The following GRK5 variants were observed in gnomAD, a reference collection of about 807,000 sequenced individuals.
GRK5 encodes the protein G protein-coupled receptor kinase 5.
Under a neutral mutation model 78.4 loss-of-function variants are expected in GRK5, and 40 were observed. That is an observed-to-expected ratio of 0.51 (90% CI 0.40 to 0.66). The LOEUF (loss-of-function observed/expected upper bound fraction) is 0.66, where lower values mean the gene tolerates loss of function less well. Ranked by LOEUF, GRK5 falls within the 30% of genes least tolerant of loss-of-function variation. GRK5 has a pLI of 0.00. For missense variants in GRK5, 598 were observed against 759.9 expected (o/e 0.79, Z 2.50); for synonymous variants, 289 against 296.8 (o/e 0.97, Z 0.27).
chr10:119,405,214 G>C (rs1852216634), intron 4 of GRK5, among the ~76,000 whole-genome samples: 1 of 152,132 alleles, frequency 6.6e-6, no homozygotes, highest in South Asian at 2.1e-4. Flanking sequence ...AGGTGGGTTG[G>C]GGCAGGCTTC....
intron 1 of GRK5, among the ~76,000 whole-genome samples, chr10:119,313,043 GGTGGTGGTA>G (rs1564887014): frequency 1.5e-3 from 22 of 14,548 alleles, no homozygotes; most frequent in East Asian, 1.8e-3. Flanking sequence ...TGGTGATGGT[GGTGGTGGTA>G]ATGATGATGG....
At chr10:119,411,370 G>A (rs1852333268) in intron 4 of GRK5, among the ~76,000 whole-genome samples, 1 of 152,134 alleles carries the variant, frequency 6.6e-6, no homozygotes, top group African/African-American at 2.4e-5. Context: ...ACTCCAGAGA[G>A]CCCAGAGACC....
At chr10:119,291,870 CTCA>C (rs143945725) in intron 1 of GRK5, among the ~76,000 whole-genome samples, 2,068 of 147,924 alleles carry the variant, frequency 0.014, 52 homozygotes, top group Admixed American at 0.035. Context: ...CCTTTTCCTC[CTCA>C]TCCTCCTCCT....
At position 119,247,290 on chromosome 10, in the gene GRK5, C is replaced by T. The variant is rs1589700301; in HGVS notation, c.52+39321C>T. ...TAAAACAAACAAACAAAAAATGTGA[C>T]TGTGAGAAGCATCCAGAAAAATACG... is the stretch of plus-strand genomic sequence containing the variant. On this transcript the variant is annotated intron_variant, in intron 1 of 15. Coordinates refer to ENST00000392870, the MANE Select transcript of GRK5 (RefSeq NM_005308.3). Among the ~76,000 whole-genome samples the T allele has an allele frequency of 2.0e-5, 3 of 152,280 alleles. No homozygotes were observed. The South Asian group carries it at 6.2e-4, about 32-fold the overall frequency.
intron 1 of GRK5, among the ~76,000 whole-genome samples, chr10:119,322,595 A>AT (rs1564890646): frequency 2.6e-5 from 4 of 152,214 alleles, no homozygotes; most frequent in African/African-American, 9.6e-5. Context: ...GAATAAATCT[A>AT]TAAGTGTGCA....
At chr10:119,226,682 T>C (rs1329236947) in intron 1 of GRK5, among the ~76,000 whole-genome samples, 1 of 151,672 alleles carries the variant, frequency 6.6e-6, no homozygotes, top group Admixed American at 6.6e-5. Flanking sequence ...GTAGCTAGGA[T>C]TACAGGCGCC....
chr10:119,287,751 C>T lies in GRK5; in HGVS notation c.53-38765C>T, dbSNP rs116354988. On this transcript the variant is annotated intron_variant, in intron 1 of 15. Transcript: ENST00000392870. ...ACACCTCACAAAGCAGAGAGGAGGA[C>T]GGCTATGACTGCACCGTATCCAGCG... Among the ~76,000 whole-genome samples, 847 of 152,294 alleles carry T rather than the reference C, an allele frequency of 5.6e-3. 6 individuals carry two copies. Among genetic ancestry groups the T allele is most frequent in the African/African-American group, 0.019 (808 of 41,544 alleles).
At chr10:119,308,649 C>G (rs1415117098) in intron 1 of GRK5, among the ~76,000 whole-genome samples, 2 of 152,256 alleles carry the variant, frequency 1.3e-5, no homozygotes, top group Non-Finnish European at 2.9e-5. Flanking sequence ...TCAATGGCTT[C>G]TCCTGTGCCA....
At chr10:119,406,824 C>A (rs1852247819) in intron 4 of GRK5, among the ~76,000 whole-genome samples, 1 of 152,244 alleles carries the variant, frequency 6.6e-6, no homozygotes, top group African/African-American at 2.4e-5. Context: ...TCTTCCACTT[C>A]CACTTCTGGG....
intron 2 of GRK5, among the ~76,000 whole-genome samples, chr10:119,357,555 C>T (rs1001862990): frequency 5.9e-5 from 9 of 152,202 alleles, no homozygotes; most frequent in Non-Finnish European, 1.3e-4. Context: ...AAGCATTAGT[C>T]TGGATTGTTG....
chr10:119,443,942 TC>T (rs1410348229), intron 12 of GRK5, among the ~76,000 whole-genome samples, 190 bp downstream of exon 12: 1 of 151,978 alleles, frequency 6.6e-6, no homozygotes, highest in Non-Finnish European at 1.5e-5. Flanking sequence ...AGCGGAGACT[TC>T]CAGGAGAAAG....
intron 3 of GRK5, among the ~76,000 whole-genome samples, chr10:119,395,234 A>G (rs1039502141): frequency 2.0e-5 from 3 of 152,202 alleles, no homozygotes; most frequent in African/African-American, 7.2e-5. Context: ...ATGTTTCTTC[A>G]TGGGAGAAAA....
At chr10:119,371,775 A>G (rs1324058601) in intron 2 of GRK5, among the ~76,000 whole-genome samples, 1 of 152,210 alleles carries the variant, frequency 6.6e-6, no homozygotes, top group Non-Finnish European at 1.5e-5. Context: ...AGTAAAACCC[A>G]TCATTTCCTG....
At position 119,313,052 on chromosome 10, in the gene GRK5, AATGATG is replaced by A. The variant is rs527286515; in HGVS notation, c.53-13460_53-13455del. 5.6e-4 allele frequency among the ~76,000 whole-genome samples: 9 copies of A among 15,964 alleles called. No homozygotes were observed. The East Asian group carries it at 8.1e-3, about 14-fold the overall frequency. 10.5% of individuals were successfully genotyped at this position (15,964 alleles called of 152,430 possible). On this transcript the variant is annotated intron_variant, in intron 1 of 15. Transcript: ENST00000392870. ...TGGCAGTGGTGATGGTGGTGGTGGTAATGATGATGGTGGTGGTGATGGTGGTGGTGG... is the reference window on the plus strand; with the variant it reads ...TGGCAGTGGTGATGGTGGTGGTGGTAATGGTGGTGGTGATGGTGGTGGTGG...
chr10:119,274,079 T>C (rs1306351306), intron 1 of GRK5, among the ~76,000 whole-genome samples: 1 of 152,212 alleles, frequency 6.6e-6, no homozygotes, highest in African/African-American at 2.4e-5. Flanking sequence ...TCATTAGAGC[T>C]GGGTTTGTGT....
intron 11 of GRK5, among the ~76,000 whole-genome samples, chr10:119,443,242 A>G (rs902786099): frequency 2.0e-5 from 3 of 152,152 alleles, no homozygotes; most frequent in African/African-American, 4.8e-5. Context: ...TACTGATAGC[A>G]CCTGTTCTGT....
chr10:119,385,405 C>T (rs1198080037), intron 3 of GRK5, among the ~76,000 whole-genome samples: 7 of 152,102 alleles, frequency 4.6e-5, no homozygotes, highest in Non-Finnish European at 7.4e-5. Flanking sequence ...GCTGCAAATA[C>T]GGGTGTGCAC....
chr10:119,415,524 A>G (rs911233685), intron 4 of GRK5, among the ~76,000 whole-genome samples: 3 of 152,242 alleles, frequency 2.0e-5, no homozygotes, highest in African/African-American at 7.2e-5. Context: ...ATGAAAGAGC[A>G]AAGAGTAGCA....
intron 2 of GRK5, among the ~76,000 whole-genome samples, chr10:119,367,931 G>A (rs746999905): frequency 8.5e-5 from 13 of 152,240 alleles, no homozygotes; most frequent in Admixed American, 3.3e-4. Context: ...GCTAGACCCC[G>A]GCCAGTGGCC....
Sources: allele counts gnomAD v4.1 joint callset (sites outside exome capture counted in the v4.1 genomes callset), GRCh38; gene constraint gnomAD v4.1.1; transcripts MANE v1.5; gene names NCBI Gene and HGNC (gene_info 2026-07-23, HGNC 2026-07-21).